The following FAM193A variants were observed in gnomAD, a reference collection of about 807,000 sequenced individuals.
FAM193A encodes family with sequence similarity 193 member A.
In FAM193A, 22 loss-of-function variants were observed where a neutral mutation model predicts 126.5. The observed-to-expected ratio is 0.17, with a 90% CI of 0.12 to 0.25. The LOEUF is 0.25. Among genes scored for constraint, FAM193A ranks in the 10% least tolerant of loss-of-function variants. FAM193A has a pLI of 1.00. For missense variants in FAM193A, 1,675 were observed against 1,672.8 expected (o/e 1.00, Z -0.02); for synonymous variants, 761 against 646.8 (o/e 1.18, Z -2.68).
At chr4:2,705,911 C>G (rs1718248854) in intron 19 of FAM193A, among the ~76,000 whole-genome samples, 1 of 152,142 alleles carries the variant, frequency 6.6e-6, no homozygotes, top group Non-Finnish European at 1.5e-5. Flanking sequence ...TTAGAAAGTT[C>G]ATCCTGGACC....
At chr4:2,630,004 C>T (rs1238249528) in intron 4 of FAM193A, among the ~76,000 whole-genome samples, 1 of 151,840 alleles carries the variant, frequency 6.6e-6, no homozygotes, top group Admixed American at 6.6e-5. Flanking sequence ...TGGTGGCGGG[C>T]ACCTGTAGTC....
At chr4:2,675,524 C>G (rs1714298678) in intron 13 of FAM193A, among the ~76,000 whole-genome samples, 1 of 152,216 alleles carries the variant, frequency 6.6e-6, no homozygotes, top group African/African-American at 2.4e-5. Flanking sequence ...GGTAACTTCC[C>G]TTGCTCTAAA....
chr4:2,627,744 A>AT (rs764315526), intron 4 of FAM193A, among the ~76,000 whole-genome samples: 2,884 of 113,414 alleles, frequency 0.025, 59 homozygotes, highest in African/African-American at 0.059. Context: ...TGCCCAGCTA[A>AT]TTTTTTTTTT....
rs1745489212 is a variant in FAM193A at position 2,649,769 on chromosome 4, G to C, written c.1311+2937G>C. Among the ~76,000 whole-genome samples the C allele has an allele frequency of 2.0e-5, 3 of 152,226 alleles. No individual in the cohort carries two copies. In the South Asian group the frequency reaches 6.2e-4, roughly 31 times the overall value. ...TTACTGGGTGCCCCACAGAGCAGGG[G>C]TCCCTAACCCTTGGGTCACAGACCA... On this transcript the variant is annotated intron_variant, in intron 7 of 20. Coordinates refer to ENST00000637812, the MANE Select transcript of FAM193A (RefSeq NM_001366318.2).
At chr4:2,548,525 C>T (rs1029680060) in intron 1 of FAM193A, among the ~76,000 whole-genome samples, 1 of 152,058 alleles carries the variant, frequency 6.6e-6, no homozygotes, top group Non-Finnish European at 1.5e-5. Context: ...GGCATGATCT[C>T]GGCTCACTGC....
chr4:2,618,461 C>T (rs900109492), intron 2 of FAM193A, among the ~76,000 whole-genome samples: 1 of 151,692 alleles, frequency 6.6e-6, no homozygotes, highest in South Asian at 2.1e-4. Context: ...ACAGTCTTGC[C>T]CTGTCGCCCA....
chr4:2,629,151 TA>T (rs1222611976), intron 4 of FAM193A, among the ~76,000 whole-genome samples: 2 of 148,690 alleles, frequency 1.3e-5, no homozygotes, highest in African/African-American at 2.5e-5. Context: ...TTATATAACT[TA>T]AAAAAAAATC....
chr4:2,557,308 C>T (rs752597652), intron 1 of FAM193A, among the ~76,000 whole-genome samples: 2 of 152,022 alleles, frequency 1.3e-5, no homozygotes, highest in Non-Finnish European at 1.5e-5. Context: ...TGGATGAGGG[C>T]GATGAGGGCA....
chr4:2,670,369 C>G (rs1035710435), intron 12 of FAM193A, among the ~76,000 whole-genome samples: 5 of 152,096 alleles, frequency 3.3e-5, no homozygotes, highest in African/African-American at 9.7e-5. Context: ...CATGTTATAA[C>G]AGCTGCTTTG....
At chr4:2,698,714 T>G (rs1265127650) in intron 18 of FAM193A, among the ~76,000 whole-genome samples, 2 of 152,222 alleles carry the variant, frequency 1.3e-5, no homozygotes, top group Non-Finnish European at 2.9e-5. Context: ...CTCCTAACAC[T>G]GATGACTCTC....
At chr4:2,597,542 G>C (rs972528328) in intron 2 of FAM193A, among the ~76,000 whole-genome samples, 3 of 152,152 alleles carry the variant, frequency 2.0e-5, no homozygotes, top group African/African-American at 7.2e-5. Flanking sequence ...CCTGCAGTGC[G>C]TCTTGCCTGC....
chr4:2,697,605 G>A (rs543619837), intron 18 of FAM193A, among the ~76,000 whole-genome samples: 8 of 152,330 alleles, frequency 5.3e-5, no homozygotes, highest in African/African-American at 1.7e-4. Context: ...GGAAGAGGAC[G>A]ATCCCACAGT....
At chr4:2,689,793 G>T in intron 14 of FAM193A, 89 bp downstream of exon 14, 1 of 922,250 alleles carries the variant, frequency 1.1e-6, no homozygotes, top group Non-Finnish European at 1.6e-6. Context: ...AAGCCCTGGC[G>T]CAGCTGTAGC....
intron 4 of FAM193A, 103 bp downstream of exon 4, chr4:2,626,680 C>T (rs937420473): frequency 1.6e-6 from 1 of 613,400 alleles, no homozygotes; most frequent in Non-Finnish European, 3.0e-6. Context: ...CAGTGCTCAG[C>T]TGGGTTTGCT....
At chr4:2,538,672 C>T (rs548535125) in intron 1 of FAM193A, among the ~76,000 whole-genome samples, 932 of 16,300 alleles carry the variant, frequency 0.057, 3 homozygotes, top group Non-Finnish European at 0.078. Context: ...TTGCTGCTGT[C>T]GGGTAGGGGA....
intron 5 of FAM193A, among the ~76,000 whole-genome samples, chr4:2,639,290 T>TA (rs1195186555): frequency 6.6e-6 from 1 of 152,188 alleles, no homozygotes; most frequent in Non-Finnish European, 1.5e-5. Context: ...TTGTGTGTAT[T>TA]AATTAGAATG....
intron 2 of FAM193A, among the ~76,000 whole-genome samples, chr4:2,624,143 C>T (rs1254993181): frequency 1.3e-5 from 2 of 150,456 alleles, no homozygotes; most frequent in African/African-American, 2.4e-5. Context: ...ATCCTTTTGG[C>T]GTGGGACATA....
chr4:2,721,031 G>A (rs1720079310), intron 20 of FAM193A, among the ~76,000 whole-genome samples: 1 of 152,074 alleles, frequency 6.6e-6, no homozygotes, highest in East Asian at 1.9e-4. Context: ...AGCCAGGCGT[G>A]GGCCGGGCGC....
At chr4:2,701,247 C>T (rs988759836) in intron 19 of FAM193A, among the ~76,000 whole-genome samples, 2 of 149,464 alleles carry the variant, frequency 1.3e-5, no homozygotes, top group African/African-American at 4.9e-5. Flanking sequence ...AGACCTTACT[C>T]ATGTTTCTCC....
Sources: allele counts gnomAD v4.1 joint callset (sites outside exome capture counted in the v4.1 genomes callset), GRCh38; gene constraint gnomAD v4.1.1; transcripts MANE v1.5; gene names NCBI Gene and HGNC (gene_info 2026-07-23, HGNC 2026-07-21).